Variants in SLC24A2 observed in about 807,000 individuals in gnomAD.
SLC24A2 encodes the protein solute carrier family 24 member 2.
In SLC24A2, 36 loss-of-function variants were observed where a neutral mutation model predicts 62.0. The observed-to-expected ratio is 0.58, with a 90% confidence interval of 0.44 to 0.77. The LOEUF (loss-of-function observed/expected upper bound fraction) is 0.77. Among genes scored for constraint, SLC24A2 ranks in the 30% least tolerant of loss-of-function variants. SLC24A2 has a pLI of 0.00. For synonymous variants in SLC24A2, 358 were observed against 294.0 expected (o/e 1.22, Z -2.23); for missense variants, 846 against 817.9 (o/e 1.03, Z -0.42).
the SLC24A2 span, among the ~76,000 whole-genome samples, chr9:20,012,425 G>A: frequency 6.6e-6 from 1 of 152,142 alleles, no homozygotes; most frequent in Non-Finnish European, 1.5e-5. Context: ...CTCCCACTGG[G>A]TCCCTCCCGC....
intron 5 of SLC24A2, among the ~76,000 whole-genome samples, chr9:19,578,810 G>A (rs1428705030): frequency 6.6e-6 from 1 of 152,132 alleles, no homozygotes; most frequent in Non-Finnish European, 1.5e-5. Flanking sequence ...GACTCCAATG[G>A]TGAAAATGAC....
the SLC24A2 span, among the ~76,000 whole-genome samples, chr9:19,845,311 C>A: frequency 1.3e-5 from 2 of 152,060 alleles, no homozygotes; most frequent in East Asian, 3.9e-4. Flanking sequence ...ATTTGGCTGT[C>A]AGCTTAAAAG....
intron 2 of SLC24A2, among the ~76,000 whole-genome samples, chr9:19,668,192 T>G (rs1357312023): frequency 1.3e-5 from 2 of 152,178 alleles, no homozygotes; most frequent in African/African-American, 4.8e-5. Flanking sequence ...CTCCTTATCT[T>G]CCACTACTCT....
chr9:19,772,105 G>A (rs1822707590), intron 2 of SLC24A2, among the ~76,000 whole-genome samples: 1 of 152,188 alleles, frequency 6.6e-6, no homozygotes, highest in African/African-American at 2.4e-5. Context: ...TTTTAGATAA[G>A]GCAGAGAAGA....
chr9:19,563,383 CTTAA>C (rs59813342), intron 7 of SLC24A2, among the ~76,000 whole-genome samples: 17,886 of 151,952 alleles, frequency 0.12, 1,122 homozygotes, highest in African/African-American at 0.17. Flanking sequence ...ACTGTTACCC[CTTAA>C]TTAATTATTT....
the SLC24A2 span, among the ~76,000 whole-genome samples, chr9:20,290,744 G>T: frequency 6.6e-6 from 1 of 152,190 alleles, no homozygotes; most frequent in African/African-American, 2.4e-5. Context: ...TCTGAAAGCT[G>T]TGGAAGTCCA....
chr9:19,820,082 T>TATATATATATATATATATAC, the SLC24A2 span, among the ~76,000 whole-genome samples: 1 of 133,614 alleles, frequency 7.5e-6, no homozygotes, highest in African/African-American at 2.8e-5. Context: ...TATATATATA[T>TATATATATATATATATATAC]ACAATGGAAT....
At chr9:20,101,828 T>C in the SLC24A2 span, among the ~76,000 whole-genome samples, 2 of 152,106 alleles carry the variant, frequency 1.3e-5, no homozygotes, top group African/African-American at 4.8e-5. Context: ...GGTACCAGTA[T>C]AAAGAAGTGA....
At chr9:19,602,155 C>A (rs979888626) in intron 4 of SLC24A2, among the ~76,000 whole-genome samples, 16 of 152,166 alleles carry the variant, frequency 1.1e-4, no homozygotes, top group Admixed American at 5.2e-4. Flanking sequence ...AGTAAGATAG[C>A]CTTTCACAAC....
At chr9:19,600,372 TTTTTG>T (rs1441265540) in intron 4 of SLC24A2, among the ~76,000 whole-genome samples, 2 of 152,198 alleles carry the variant, frequency 1.3e-5, no homozygotes, top group Non-Finnish European at 2.9e-5. Flanking sequence ...AAGAGTGACT[TTTTTG>T]TTTTGTTTTA....
chr9:20,264,766 T>C, the SLC24A2 span, among the ~76,000 whole-genome samples: 1 of 152,228 alleles, frequency 6.6e-6, no homozygotes, highest in Non-Finnish European at 1.5e-5. Context: ...TTTTGTTTTA[T>C]AGAAAACAGA....
the SLC24A2 span, among the ~76,000 whole-genome samples, chr9:20,076,065 G>C: frequency 1.5e-3 from 232 of 152,260 alleles, no homozygotes; most frequent in African/African-American, 3.6e-3. Flanking sequence ...AAAAAAGTCT[G>C]AATGCTTTCC....
At chr9:19,620,450 A>G (rs1817881344) in intron 3 of SLC24A2, among the ~76,000 whole-genome samples, 1 of 152,214 alleles carries the variant, frequency 6.6e-6, no homozygotes, top group South Asian at 2.1e-4. Flanking sequence ...TCATGAAACC[A>G]TGAGAACTCT....
At chr9:20,010,110 G>A in the SLC24A2 span, among the ~76,000 whole-genome samples, 1 of 152,134 alleles carries the variant, frequency 6.6e-6, no homozygotes, top group Non-Finnish European at 1.5e-5. Context: ...GAATCACAGA[G>A]CACAATCAGC....
At chr9:20,234,112 G>A in the SLC24A2 span, among the ~76,000 whole-genome samples, 1 of 152,244 alleles carries the variant, frequency 6.6e-6, no homozygotes, top group South Asian at 2.1e-4. Context: ...AGTCTGATGG[G>A]CTTCCCTTTG....
At chr9:20,253,195 T>C in the SLC24A2 span, among the ~76,000 whole-genome samples, 1 of 152,172 alleles carries the variant, frequency 6.6e-6, no homozygotes, top group African/African-American at 2.4e-5. Context: ...TATGATGCAG[T>C]AGAAAGAGCA....
rs531600208 is a variant in SLC24A2, at chr9:19,757,717, C to T, written c.930+28220G>A. Among the ~76,000 whole-genome samples, 17 of 152,198 alleles carry T rather than the reference C, an allele frequency of 1.1e-4. No individual in the cohort carries two copies. The South Asian group carries it at 3.3e-3, about 30-fold the overall frequency. On this transcript the variant is annotated intron_variant, in intron 2 of 10. Coordinates refer to ENST00000341998, the MANE Select transcript of SLC24A2 (RefSeq NM_020344.4). Reference sequence around the variant, plus strand: ...ATTTATTTGTCTTCACCAAAATTCACGTTGAAATTTGATCTTCAGTGTGTG... The same window carrying T: ...ATTTATTTGTCTTCACCAAAATTCATGTTGAAATTTGATCTTCAGTGTGTG...
At chr9:20,015,795 A>G in the SLC24A2 span, among the ~76,000 whole-genome samples, 11 of 152,320 alleles carry the variant, frequency 7.2e-5, no homozygotes, top group Middle Eastern at 3.4e-3. Context: ...GTTATTAAGG[A>G]TCTTTTTTAA....
chr9:20,239,725 T>C, the SLC24A2 span, among the ~76,000 whole-genome samples: 1 of 152,238 alleles, frequency 6.6e-6, no homozygotes, highest in African/African-American at 2.4e-5. Flanking sequence ...GAACTGTATG[T>C]AAAACAGAGC....
Sources: gnomAD v4.1 joint callset for allele counts (sites outside exome capture counted in the v4.1 genomes callset) on GRCh38, gnomAD v4.1.1 for gene constraint, MANE v1.5 for transcripts, NCBI Gene and HGNC (gene_info 2026-07-23, HGNC 2026-07-21) for gene names.